The following SPRYD7 variants were observed in gnomAD, a reference collection of about 807,000 sequenced individuals.
SPRYD7 encodes SPRY domain containing 7.
In SPRYD7, 14 loss-of-function variants were observed where a neutral mutation model predicts 23.8. That is an observed-to-expected ratio of 0.59 (90% CI 0.39 to 0.92). The LOEUF is 0.92. Among genes scored for constraint, SPRYD7 ranks in the 40% least tolerant of loss-of-function variants. The probability of loss-of-function intolerance (pLI) is 0.00; values close to 1 mark genes in which losing one functional copy is unlikely to be tolerated. For missense variants in SPRYD7, 194 were observed against 241.7 expected, an observed-to-expected ratio of 0.80 and a Z score of 1.31; for synonymous variants, 75 against 84.9, an observed-to-expected ratio of 0.88 and a Z score of 0.64.
rs1395380017 is a variant in SPRYD7, at chr13:49,912,766, AAATTAT to A, written c.*2291_*2296del. 1 of 152,250 alleles carries A rather than the reference AAATTAT, an allele frequency of 6.6e-6. No individual in the cohort carries two copies. The highest frequency in any genetic ancestry group is 1.5e-5 in the Non-Finnish European group (1 of 68,040). The allele number at this position is 152,250 out of a possible 1,614,324, so 9.4% of individuals were successfully genotyped here. On this transcript the variant is annotated 3_prime_UTR_variant, in exon 5 of 5. Coordinates refer to ENST00000361840, the MANE Select transcript of SPRYD7 (RefSeq NM_020456.4). Reference sequence around the variant, plus strand: ...AAGTAAGCACATTCTTTACAAATTAAAATTATGATAGAAAGCCAGACAAAATGCATA... The same window carrying A: ...AAGTAAGCACATTCTTTACAAATTAAGATAGAAAGCCAGACAAAATGCATA...
At chr13:49,933,868 T>C (rs995520264) in intron 1 of SPRYD7, among the ~76,000 whole-genome samples, 1 of 152,140 alleles carries the variant, frequency 6.6e-6, no homozygotes, top group Non-Finnish European at 1.5e-5. Context: ...TTGGAAGTCA[T>C]TTGTTTCTAA....
At chr13:49,934,438 C>T (rs1216840772) in intron 1 of SPRYD7, among the ~76,000 whole-genome samples, 1 of 151,358 alleles carries the variant, frequency 6.6e-6, no homozygotes, top group East Asian at 1.9e-4. Context: ...GCCTGTAATC[C>T]CAGCTACTCA....
intron 1 of SPRYD7, among the ~76,000 whole-genome samples, chr13:49,932,816 A>T (rs189859637): frequency 2.0e-5 from 3 of 152,358 alleles, no homozygotes; most frequent in African/African-American, 7.2e-5. Context: ...GCTCTCCCTT[A>T]AACAAGGCAA....
chr13:49,936,207 C>T lies in SPRYD7; in HGVS notation c.29G>A (p.Arg10Gln). The T allele has an allele frequency of 6.2e-7, 1 of 1,607,724 alleles. No homozygotes were observed. The highest frequency in any genetic ancestry group is 8.5e-7 in the Non-Finnish European group (1 of 1,178,430). Residue 10 changes from arginine to glutamine, a missense_variant, in exon 1 of 5, where the codon CGG becomes CAG. By Grantham distance (43) the Arg-to-Gln change is conservative. Transcript: ENST00000361840. ...GCCAGTCCCCCCGTCTCTGCAGCAC[C>T]GCAGGCAGCACAACACCGAGGTGGC... MATSVLCCLRCCRDGGTGHI... is the reference protein window; with the variant it reads MATSVLCCLQCCRDGGTGHI...
At chr13:49,924,860 T>C (rs1195163373) in intron 3 of SPRYD7, among the ~76,000 whole-genome samples, 1 of 150,616 alleles carries the variant, frequency 6.6e-6, no homozygotes, top group Non-Finnish European at 1.5e-5. Flanking sequence ...CCTGTAATTG[T>C]AGCTACTCAG....
At position 49,928,076 on chromosome 13, in the gene SPRYD7, C is replaced by A; in HGVS notation, c.233G>T (p.Gly78Val). ...AACCTTCTGAGTTGCAACACCAATA[C>A]CCCAGATTCCTAAAAATATAACAGT... ...EFKIQSTGIW[G>V]IGVATQKVNL... Residue 78 changes from glycine to valine, a missense_variant, in exon 3 of 5, where the codon GGT becomes GTT. By Grantham distance (109) the Gly-to-Val change is moderately radical (BLOSUM62 -3). Coordinates refer to ENST00000361840, the MANE Select transcript of SPRYD7 (RefSeq NM_020456.4). The A allele has an allele frequency of 1.2e-6, 2 of 1,613,476 alleles. No homozygotes were observed. The highest frequency in any genetic ancestry group is 2.2e-5 in the East Asian group (1 of 44,880).
At chr13:49,931,243 G>C (rs751005930) in intron 1 of SPRYD7, 109 bp from the exon 2 acceptor site, 46 of 597,274 alleles carry the variant, frequency 7.7e-5, no homozygotes, top group Non-Finnish European at 1.2e-4. Flanking sequence ...GCAGTGGCAC[G>C]GTCTTGGCTC....
chr13:49,923,628 C>T (rs1365219850), intron 3 of SPRYD7, among the ~76,000 whole-genome samples: 1 of 152,086 alleles, frequency 6.6e-6, no homozygotes, highest in East Asian at 1.9e-4. Context: ...AAGTCCCACC[C>T]TCAGTATAGT....
chr13:49,935,291 C>T (rs1871575346), intron 1 of SPRYD7, among the ~76,000 whole-genome samples: 1 of 152,008 alleles, frequency 6.6e-6, no homozygotes, highest in Non-Finnish European at 1.5e-5. Context: ...AAATAATCCA[C>T]AAAAAGACAG....
intron 3 of SPRYD7, among the ~76,000 whole-genome samples, chr13:49,925,671 T>G (rs1261874917): frequency 6.7e-6 from 1 of 149,504 alleles, no homozygotes; most frequent in African/African-American, 2.5e-5. Context: ...AATTAGCCAG[T>G]CGTGGTGGCG....
intron 1 of SPRYD7, among the ~76,000 whole-genome samples, chr13:49,931,346 A>C (rs1594518622): frequency 1.3e-5 from 2 of 151,902 alleles, no homozygotes; most frequent in Admixed American, 6.6e-5. Context: ...CACCTGGCTA[A>C]ATTTTTATAT....
rs762013212 is a variant in SPRYD7, at chr13:49,915,111, C to T, written c.543G>A (p.Thr181=). The stretch of plus-strand genomic sequence containing the variant: ...ATATTTTTTCAAAACCAGGTGGAGG[C>T]GTATGATAAAACTCACTGAACTGGC... The part of the protein sequence containing the change: ...LDCQFSEFYH[T]PPPGFEKILF... The change falls in exon 5 of 5, where the codon ACG becomes ACA. Residue 181 remains threonine (T), a synonymous_variant. Coordinates refer to ENST00000361840, the MANE Select transcript of SPRYD7 (RefSeq NM_020456.4). 15 of 1,565,536 alleles carry T rather than the reference C, an allele frequency of 9.6e-6. No homozygotes were observed. The highest frequency in any genetic ancestry group is 7.2e-5 in the South Asian group (6 of 83,064).
At position 49,921,526 on chromosome 13, in the gene SPRYD7, G is replaced by A. The variant is rs777514456; in HGVS notation, c.445C>T (p.His149Tyr). The A allele has an allele frequency of 2.5e-6, 4 of 1,613,470 alleles. No homozygotes were observed. The highest frequency in any genetic ancestry group is 3.4e-6 in the Non-Finnish European group (4 of 1,179,550). The change falls in exon 4 of 5, where the codon CAT (histidine) becomes TAT (tyrosine). Residue 149 changes from histidine (H) to tyrosine (Y), a missense_variant. His to Tyr is a moderately conservative substitution (Grantham distance 83). Coordinates refer to ENST00000361840, the MANE Select transcript of SPRYD7 (RefSeq NM_020456.4). ...CCTCGTATACCTGATGCTGGACAAT[G>A]CATGTTTTTTCCATTCAAGTATACA... is the stretch of plus-strand genomic sequence containing the variant. ...LNVYLNGKNM[H>Y]CPASGIRGTV...
rs556761011 is a variant in SPRYD7, at chr13:49,915,751, C to G, written c.494-591G>C. Among the ~76,000 whole-genome samples the G allele has an allele frequency of 1.2e-4, 19 of 152,294 alleles. 1 individual carries two copies. In the South Asian group the frequency reaches 3.7e-3, roughly 30 times the overall value. On this transcript the variant is annotated intron_variant, in intron 4 of 4. Transcript: ENST00000361840. ...CCAAAGACATATTTTCAAACGTTCA[C>G]AATAGCTTTATTTGTAATAGTCCCA...
At chr13:49,921,389 T>A (rs1955818302) in intron 4 of SPRYD7, 89 bp downstream of exon 4, 6 of 825,160 alleles carry the variant, frequency 7.3e-6, no homozygotes, top group Non-Finnish European at 1.0e-5. Flanking sequence ...GTCTTGGGTA[T>A]GTCTTTATAG....
Position 49,915,014 on chromosome 13 carries a change from T to C in SPRYD7, c.*49A>G. 1.9e-6 allele frequency: 2 copies of C among 1,064,690 alleles called. No homozygotes were observed. Among genetic ancestry groups the C allele is most frequent in the Non-Finnish European group, 1.4e-6 (1 of 728,712 alleles). The allele number at this position is 1,064,690 out of a possible 1,614,324, so 66.0% of individuals were successfully genotyped here. ...GGCCAGGTAAAGTTTTATTAAATGATGAACATTTTTTAACAGTGCAGAAAT... is the reference window on the plus strand; with the variant it reads ...GGCCAGGTAAAGTTTTATTAAATGACGAACATTTTTTAACAGTGCAGAAAT... On this transcript the variant is annotated 3_prime_UTR_variant, in exon 5 of 5. Coordinates refer to ENST00000361840, the MANE Select transcript of SPRYD7 (RefSeq NM_020456.4).
chr13:49,926,276 A>T (rs913410961), intron 3 of SPRYD7, among the ~76,000 whole-genome samples: 15 of 152,236 alleles, frequency 9.9e-5, no homozygotes, highest in African/African-American at 3.6e-4. Flanking sequence ...CAATGAATGA[A>T]ATGAGATAGG....
intron 4 of SPRYD7, among the ~76,000 whole-genome samples, chr13:49,915,693 C>T (rs927980860): frequency 5.3e-5 from 8 of 152,064 alleles, no homozygotes; most frequent in Non-Finnish European, 1.2e-4. Context: ...ATGTTTTTAC[C>T]GGTATTTACT....
At position 49,913,524 on chromosome 13, in the gene SPRYD7, T is replaced by G. The variant is rs1477406818; in HGVS notation, c.*1539A>C. ...AAGTGCCTATGATTTTTATTTTATT[T>G]TATTTTAATTTTTTTTGAGACAGAG... On this transcript the variant is annotated 3_prime_UTR_variant, in exon 5 of 5. Transcript: ENST00000361840. 1 of 151,954 alleles carries G rather than the reference T, an allele frequency of 6.6e-6. No individual in the cohort carries two copies. Among genetic ancestry groups the G allele is most frequent in the African/African-American group, 2.4e-5 (1 of 41,364 alleles). The allele number at this position is 151,954 out of a possible 1,614,324, so 9.4% of individuals were successfully genotyped here.
Sources: allele counts gnomAD v4.1 joint callset (sites outside exome capture counted in the v4.1 genomes callset), GRCh38; gene constraint gnomAD v4.1.1; transcripts MANE v1.5; gene names NCBI Gene and HGNC (gene_info 2026-07-23, HGNC 2026-07-21).